Variants in PPP1R1C observed in about 807,000 individuals in gnomAD.
PPP1R1C encodes the protein protein phosphatase 1 regulatory subunit 1C.
Under a neutral mutation model 17.4 loss-of-function variants are expected in PPP1R1C, and 15 were observed. The ratio of observed to expected loss-of-function variants is 0.86; its 90% CI spans 0.58 to 1.33. The LOEUF (loss-of-function observed/expected upper bound fraction) is 1.33. Among genes scored for constraint, PPP1R1C ranks in the 40% most tolerant of loss-of-function variants. The probability of loss-of-function intolerance (pLI) is 0.00; values close to 1 mark genes in which losing one functional copy is unlikely to be tolerated. For synonymous variants in PPP1R1C, 35 were observed against 43.1 expected, an observed-to-expected ratio of 0.81 and a Z score of 0.73; for missense variants, 143 against 130.0, an observed-to-expected ratio of 1.10 and a Z score of -0.48.
chr2:182,024,076 C>T (rs1686516379), intron 2 of PPP1R1C, among the ~76,000 whole-genome samples: 2 of 152,210 alleles, frequency 1.3e-5, no homozygotes, highest in South Asian at 4.1e-4. Context: ...TATATTTAAA[C>T]CAGACAAATT....
chr2:182,048,838 C>T (rs189151197), intron 2 of PPP1R1C: 5 of 152,416 alleles, frequency 3.3e-5, no homozygotes, highest in Admixed American at 3.3e-4. Flanking sequence ...TGCCCTACCA[C>T]CCTGAAAGCG....
At chr2:182,057,619 T>C (rs1447236075) in intron 2 of PPP1R1C, among the ~76,000 whole-genome samples, 1 of 152,184 alleles carries the variant, frequency 6.6e-6, no homozygotes, top group Admixed American at 6.5e-5. Context: ...GAAAATTGTT[T>C]AACTCCCCAT....
downstream of PPP1R1C, among the ~76,000 whole-genome samples, chr2:182,118,622 T>G (rs145075280): frequency 2.7e-3 from 406 of 151,238 alleles, 1 homozygote; most frequent in African/African-American, 9.4e-3. Context: ...ATATGAGTTT[T>G]GTAATGTAGA....
chr2:181,988,704 A>G (rs1276610692), intron 2 of PPP1R1C, among the ~76,000 whole-genome samples: 1 of 152,226 alleles, frequency 6.6e-6, no homozygotes, highest in Non-Finnish European at 1.5e-5. Flanking sequence ...CAGTGGAAAC[A>G]TAATATGTCT....
chr2:182,064,117 G>A (rs1443913859), intron 4 of PPP1R1C: 1 of 288,576 alleles, frequency 3.5e-6, no homozygotes, highest in Non-Finnish European at 6.5e-6. Context: ...ACTCTTGCCA[G>A]TGTTGGCAGA....
rs1486747649 is a variant in PPP1R1C at position 181,977,916 on chromosome 2, G to A, written n.157+2652G>A. On this transcript the variant is annotated intron_variant and non_coding_transcript_variant, in intron 2 of 5. Coordinates refer to the PPP1R1C transcript ENST00000464264. ...TGGGCTCCACTGGGGCTGTTGACAG[G>A]AATCAGCATGTGACATCTTGTATTA... 2.0e-5 allele frequency among the ~76,000 whole-genome samples: 3 copies of A among 152,180 alleles called. No individual in the cohort carries two copies. The South Asian group carries it at 6.2e-4, about 32-fold the overall frequency.
In PPP1R1C at chr2:182,016,765, A is replaced by AT. The variant is rs1686273315; in HGVS notation, c.142+28870dup. On this transcript the variant is annotated intron_variant, in intron 2 of 4. Transcript: ENST00000682840. The stretch of plus-strand genomic sequence containing the variant: ...ACCATTTAGTCAGAATACACATCTA[A>AT]TTTTGTCCTTGTTTCTGATAACAAA... Among the ~76,000 whole-genome samples, 3 of 152,118 alleles carry AT rather than the reference A, an allele frequency of 2.0e-5. No individual in the cohort carries two copies. The South Asian group carries it at 6.2e-4, about 31-fold the overall frequency.
chr2:182,063,846 G>C (rs1687913955), intron 4 of PPP1R1C, 55 bp downstream of exon 4: 1 of 1,364,956 alleles, frequency 7.3e-7, no homozygotes, highest in Admixed American at 1.7e-5. Flanking sequence ...TGGCTGGTCG[G>C]CCGTCTGTTC....
At chr2:181,978,137 A>G (rs1685127565) in intron 2 of PPP1R1C, among the ~76,000 whole-genome samples, 1 of 152,180 alleles carries the variant, frequency 6.6e-6, no homozygotes, top group Non-Finnish European at 1.5e-5. Flanking sequence ...TTATAAAACC[A>G]TCAGATCTTA....
chr2:182,044,599 G>T (rs969796914), intron 2 of PPP1R1C, among the ~76,000 whole-genome samples: 2 of 152,120 alleles, frequency 1.3e-5, no homozygotes, highest in African/African-American at 4.8e-5. Flanking sequence ...AGATGCCCCT[G>T]ATATATGCTT....
intron 2 of PPP1R1C, among the ~76,000 whole-genome samples, chr2:182,046,976 G>A (rs75059054): frequency 2.1e-3 from 312 of 152,132 alleles, no homozygotes; most frequent in African/African-American, 7.2e-3. Context: ...AAAAGAAAAC[G>A]TTTCTGTGAA....
intron 5 of PPP1R1C, among the ~76,000 whole-genome samples, chr2:182,125,637 G>A (rs1689855770): frequency 6.6e-6 from 1 of 152,106 alleles, no homozygotes; most frequent in South Asian, 2.1e-4. Context: ...GAGTGTATAT[G>A]TCCTGGAATT....
At chr2:182,122,842 C>T (rs1230752956) in intron 5 of PPP1R1C, among the ~76,000 whole-genome samples, 2 of 151,960 alleles carry the variant, frequency 1.3e-5, no homozygotes, top group Non-Finnish European at 2.9e-5. Context: ...TTTCCTGGCA[C>T]TATTTATTTA....
chr2:181,981,934 G>T (rs1685200291), upstream of PPP1R1C, among the ~76,000 whole-genome samples: 1 of 152,138 alleles, frequency 6.6e-6, no homozygotes, highest in Non-Finnish European at 1.5e-5. Flanking sequence ...TGTATTTCCA[G>T]CATTTAATGT....
chr2:182,116,537 A>C (rs1515894), intron 4 of PPP1R1C, among the ~76,000 whole-genome samples: 2 of 151,848 alleles, frequency 1.3e-5, no homozygotes, highest in Non-Finnish European at 2.9e-5. Flanking sequence ...AGCCTGGAGT[A>C]GCCCGGGGGA....
At chr2:182,038,237 C>T (rs565215476) in intron 2 of PPP1R1C, among the ~76,000 whole-genome samples, 1 of 152,114 alleles carries the variant, frequency 6.6e-6, no homozygotes, top group African/African-American at 2.4e-5. Flanking sequence ...TAAGGTTTTA[C>T]CATGTTGGCC....
chr2:182,116,363 C>A (rs1207618395), intron 4 of PPP1R1C, among the ~76,000 whole-genome samples: 1 of 151,886 alleles, frequency 6.6e-6, no homozygotes, highest in Admixed American at 6.6e-5. Flanking sequence ...GTTCTAAGAG[C>A]AGGGGGGAAT....
intron 2 of PPP1R1C, among the ~76,000 whole-genome samples, chr2:182,048,452 C>T (rs1379590502): frequency 6.6e-6 from 1 of 152,162 alleles, no homozygotes; most frequent in Non-Finnish European, 1.5e-5. Context: ...TACATTTAGC[C>T]TTACTAAAAA....
At chr2:182,077,301 G>A (rs910915672) in intron 4 of PPP1R1C, among the ~76,000 whole-genome samples, 13 of 151,684 alleles carry the variant, frequency 8.6e-5, no homozygotes, top group Non-Finnish European at 1.6e-4. Context: ...GCTGAACCAT[G>A]ATAAAAAGGA....
Sources: gnomAD v4.1 joint callset for allele counts (sites outside exome capture counted in the v4.1 genomes callset) on GRCh38, gnomAD v4.1.1 for gene constraint, MANE v1.5 for transcripts, NCBI Gene and HGNC (gene_info 2026-07-23, HGNC 2026-07-21) for gene names.